CNDP1: variants seen among roughly 807,000 people sequenced by gnomAD.
CNDP1 encodes carnosine dipeptidase 1.
In CNDP1, 44 loss-of-function variants were observed where a neutral mutation model predicts 58.1. That is an observed-to-expected ratio of 0.76 (90% CI 0.60 to 0.97). The LOEUF (loss-of-function observed/expected upper bound fraction) is 0.97, where lower values mean the gene tolerates loss of function less well. Among genes scored for constraint, CNDP1 ranks in the 50% least tolerant of loss-of-function variants. The probability of loss-of-function intolerance (pLI) is 0.00; values close to 1 mark genes in which losing one functional copy is unlikely to be tolerated. For synonymous variants in CNDP1, 254 were observed against 252.6 expected, an observed-to-expected ratio of 1.01 and a Z score of -0.05; for missense variants, 616 against 655.1, an observed-to-expected ratio of 0.94 and a Z score of 0.65.
intron 5 of CNDP1, among the ~76,000 whole-genome samples, chr18:74,563,304 C>T (rs894619829): frequency 9.9e-5 from 15 of 152,118 alleles, no homozygotes; most frequent in Admixed American, 2.0e-4. Flanking sequence ...GCATCACATA[C>T]GCCCTGAGCA....
intron 1 of CNDP1, among the ~76,000 whole-genome samples, chr18:74,541,545 C>T (rs1174494440): frequency 1.3e-5 from 2 of 152,186 alleles, no homozygotes; most frequent in African/African-American, 2.4e-5. Flanking sequence ...GATCCCAGTG[C>T]AGAGCTCCTG....
intron 1 of CNDP1, among the ~76,000 whole-genome samples, chr18:74,549,733 C>A (rs976779860): frequency 6.6e-6 from 1 of 152,178 alleles, no homozygotes; most frequent in Non-Finnish European, 1.5e-5. Flanking sequence ...TTTCAGAGAC[C>A]TTTGAGGAAG....
At position 74,584,739 on chromosome 18, in the gene CNDP1, T is replaced by A. The variant is rs1386293852; in HGVS notation, c.*177T>A. On this transcript the variant is annotated 3_prime_UTR_variant, in exon 12 of 12. Transcript: ENST00000358821. ...TAATAAAATATTTCAAAGGCACAGA[T>A]GTTGGAAATGGTTTAAGGTCCCCCA... is the stretch of plus-strand genomic sequence containing the variant. 1.7e-6 allele frequency: 1 copy of A among 585,668 alleles called. No individual in the cohort carries two copies. Among genetic ancestry groups the A allele is most frequent in the Non-Finnish European group, 3.0e-6 (1 of 328,306 alleles). The allele number at this position is 585,668 out of a possible 1,614,324, so 36.3% of individuals were successfully genotyped here. A position where few individuals can be genotyped will look rare whatever the true frequency, so the allele number is the denominator to read the frequency against.
chr18:74,561,414 CAA>C (rs11447097), intron 4 of CNDP1: 83 of 130,396 alleles, frequency 6.4e-4, no homozygotes, highest in Admixed American at 8.8e-4. Context: ...GAGACTTCAT[CAA>C]AAAAAAAAAA....
chr18:74,552,341 C>G (rs1366162766), intron 1 of CNDP1, among the ~76,000 whole-genome samples: 2 of 152,166 alleles, frequency 1.3e-5, no homozygotes, highest in African/African-American at 4.8e-5. Context: ...ATTTTAATGG[C>G]TTTTAGTTTA....
chr18:74,577,194 G>A, intron 8 of CNDP1, 165 bp downstream of exon 8: 2 of 580,586 alleles, frequency 3.4e-6, no homozygotes, highest in East Asian at 6.5e-5. Context: ...TTCCCCGTGG[G>A]CTGGATCAAC....
rs747536040 is a variant in CNDP1 at position 74,580,306 on chromosome 18, CA to C, written c.1309+36del. 2.5e-6 allele frequency: 4 copies of C among 1,609,916 alleles called. No individual in the cohort carries two copies. In the African/African-American group the frequency reaches 5.3e-5, roughly 22 times the overall value. On this transcript the variant is annotated intron_variant, in intron 10 of 11. Coordinates refer to ENST00000358821, the MANE Select transcript of CNDP1 (RefSeq NM_032649.6). The stretch of plus-strand genomic sequence containing the variant: ...TAAGATCTTCTGACTGGCCAATCTG[CA>C]CTGGGACTCAGGGGTGGTACCCGTG...
At chr18:74,564,140 C>T (rs1981269246) in intron 5 of CNDP1, among the ~76,000 whole-genome samples, 2 of 152,172 alleles carry the variant, frequency 1.3e-5, no homozygotes, top group African/African-American at 4.8e-5. Context: ...ATCCCGTGCT[C>T]ATGTTGCATT....
At chr18:74,579,211 TTCCCTTC>T (rs1326489743) in intron 9 of CNDP1, among the ~76,000 whole-genome samples, 1 of 47,350 alleles carries the variant, frequency 2.1e-5, no homozygotes, top group Non-Finnish European at 4.6e-5. Flanking sequence ...TTGCCTTCCC[TTCCCTTC>T]CCTTCCCTTC....
intron 5 of CNDP1, among the ~76,000 whole-genome samples, chr18:74,565,016 A>C (rs911375706): frequency 6.6e-6 from 1 of 152,238 alleles, no homozygotes; most frequent in Non-Finnish European, 1.5e-5. Context: ...CATATGGCTT[A>C]GGAGGCCTCA....
At chr18:74,560,572 G>A (rs1302410636) in intron 3 of CNDP1, among the ~76,000 whole-genome samples, 2 of 152,040 alleles carry the variant, frequency 1.3e-5, no homozygotes, top group East Asian at 3.9e-4. Flanking sequence ...GGACATGGTG[G>A]TGCACGTCTG....
chr18:74,584,306 TTAA>T (rs1411277629), intron 11 of CNDP1, 187 bp from the exon 12 acceptor site: 2 of 575,370 alleles, frequency 3.5e-6, no homozygotes, highest in East Asian at 2.9e-5. Flanking sequence ...TCTCATCTTC[TTAA>T]TAATAATAAT....
At chr18:74,575,730 TGTGTGTGC>T (rs1981614710) in intron 7 of CNDP1, among the ~76,000 whole-genome samples, 1 of 152,156 alleles carries the variant, frequency 6.6e-6, no homozygotes, top group South Asian at 2.1e-4. Context: ...ATACTCTGTG[TGTGTGTGC>T]GTGTGTGCGC....
rs1349592682 is a variant in CNDP1 at position 74,586,055 on chromosome 18, T to TCTG, written c.*1494_*1496dup. ...TTTGCGTTCAACTTTTTTCCATCAC[T>TCTG]CTGTTGGTTCTTGAGATGTCAGTGT... On this transcript the variant is annotated 3_prime_UTR_variant, in exon 12 of 12. Coordinates refer to ENST00000358821, the MANE Select transcript of CNDP1 (RefSeq NM_032649.6). 1 of 146,798 alleles carries TCTG rather than the reference T, an allele frequency of 6.8e-6. No homozygotes were observed. Among genetic ancestry groups the TCTG allele is most frequent in the Non-Finnish European group, 1.5e-5 (1 of 66,874 alleles). 9.1% of individuals were successfully genotyped at this position (146,798 alleles called of 1,614,324 possible).
intron 1 of CNDP1, 135 bp downstream of exon 1, chr18:74,534,826 C>T (rs909781393): frequency 1.5e-5 from 13 of 877,526 alleles, no homozygotes; most frequent in Non-Finnish European, 2.1e-5. Context: ...TCATGGTGTT[C>T]TTAGGTGCTG....
chr18:74,534,635 G>C lies in CNDP1; in HGVS notation c.-33G>C, dbSNP rs199992541. The C allele has an allele frequency of 4.3e-6, 7 of 1,613,728 alleles. No individual in the cohort carries two copies. Among genetic ancestry groups the C allele is most frequent in the Non-Finnish European group, 5.9e-6 (7 of 1,179,772 alleles). On this transcript the variant is annotated 5_prime_UTR_variant, in exon 1 of 12. Transcript: ENST00000358821. Reference sequence around the variant, plus strand: ...CTCTGCCACATTTTTTGGAGGTTGGGAAAGTTGCTAGAGGCTTCAGAACTC... The same window carrying C: ...CTCTGCCACATTTTTTGGAGGTTGGCAAAGTTGCTAGAGGCTTCAGAACTC...
chr18:74,534,586 C>A lies in CNDP1; in HGVS notation c.-82C>A. 2 of 1,451,286 alleles carry A rather than the reference C, an allele frequency of 1.4e-6. No individual in the cohort carries two copies. The highest frequency in any genetic ancestry group is 9.7e-7 in the Non-Finnish European group (1 of 1,033,784). The allele number at this position is 1,451,286 out of a possible 1,614,324, so 89.9% of individuals were successfully genotyped here. A position where few individuals can be genotyped will look rare whatever the true frequency, so the allele number is the denominator to read the frequency against. ...GCACAGAGAGATATTTAATGTCACC[C>A]TCTTGGGGCTTTCATGGGACTCCCT... On this transcript the variant is annotated 5_prime_UTR_variant, in exon 1 of 12. Transcript: ENST00000358821.
chr18:74,578,040 GA>G, intron 8 of CNDP1, 122 bp from the exon 9 acceptor site: 3 of 856,578 alleles, frequency 3.5e-6, no homozygotes, highest in Non-Finnish European at 5.4e-6. Flanking sequence ...AGGCACAGCT[GA>G]GTAAGGTGAC....
chr18:74,547,091 G>A (rs932800360), intron 1 of CNDP1, among the ~76,000 whole-genome samples: 7 of 152,214 alleles, frequency 4.6e-5, no homozygotes, highest in African/African-American at 1.7e-4. Context: ...GAGCCACGTT[G>A]GCTCAGCTCC....
Sources: gnomAD v4.1 joint callset for allele counts (sites outside exome capture counted in the v4.1 genomes callset) on GRCh38, gnomAD v4.1.1 for gene constraint, MANE v1.5 for transcripts, NCBI Gene and HGNC (gene_info 2026-07-23, HGNC 2026-07-21) for gene names.